Variants in HERC4 observed in about 807,000 individuals in gnomAD.
HERC4 encodes the protein HECT and RLD domain containing E3 ubiquitin protein ligase 4.
In HERC4, 28 loss-of-function variants were observed where a neutral mutation model predicts 124.3. The observed-to-expected ratio is 0.23, with a 90% confidence interval of 0.17 to 0.31. The LOEUF (loss-of-function observed/expected upper bound fraction) is 0.31, where lower values mean the gene tolerates loss of function less well. HERC4 is among the 10% of genes least tolerant of loss of function. The pLI, the probability that HERC4 is intolerant of heterozygous loss-of-function variation, is 1.00. For synonymous variants in HERC4, 407 were observed against 421.5 expected (o/e 0.97, Z 0.42); for missense variants, 713 against 1,229.3 (o/e 0.58, Z 6.28).
intron 5 of HERC4, among the ~76,000 whole-genome samples, chr10:68,035,792 G>C (rs2039430100): frequency 6.6e-6 from 1 of 151,846 alleles, no homozygotes; most frequent in South Asian, 2.1e-4. Context: ...CCTCATCTTT[G>C]TCCAGTTCAT....
chr10:68,038,585 G>A (rs1402960360), intron 4 of HERC4, among the ~76,000 whole-genome samples: 1 of 152,172 alleles, frequency 6.6e-6, no homozygotes, highest in Non-Finnish European at 1.5e-5. Context: ...GTTTTGCCTA[G>A]TTTAATGCAC....
chr10:68,013,978 A>C, intron 9 of HERC4, 48 bp downstream of exon 9: 1 of 1,436,606 alleles, frequency 7.0e-7, no homozygotes, highest in South Asian at 1.4e-5. Context: ...CAACATTTTA[A>C]CAAGAACTTC....
chr10:68,059,476 T>TATATTAC (rs2040733278), intron 3 of HERC4, among the ~76,000 whole-genome samples: 1 of 129,024 alleles, frequency 7.8e-6, no homozygotes, highest in African/African-American at 3.1e-5. Context: ...TTATATATTA[T>TATATTAC]AATATTATAT....
intron 17 of HERC4, chr10:67,955,818 G>C (rs1799665078): frequency 6.6e-6 from 1 of 152,064 alleles, no homozygotes; most frequent in South Asian, 2.1e-4. Context: ...TCTGGCTAAG[G>C]AAGCATTACA....
At chr10:68,032,125 T>C (rs1196916615) in intron 7 of HERC4, among the ~76,000 whole-genome samples, 1 of 152,244 alleles carries the variant, frequency 6.6e-6, no homozygotes, top group African/African-American at 2.4e-5. Context: ...AGTTTCTAAT[T>C]TGACCAATGA....
In HERC4 at chr10:68,014,201, T is replaced by C. The variant is rs1336628812; in HGVS notation, c.909-15A>G. 3.2e-6 allele frequency: 5 copies of C among 1,551,874 alleles called. No individual in the cohort carries two copies. Among genetic ancestry groups the C allele is most frequent in the Non-Finnish European group, 4.3e-6 (5 of 1,150,230 alleles). On this transcript the variant is annotated splice_polypyrimidine_tract_variant and intron_variant, in intron 8 of 24. Coordinates refer to ENST00000373700, the MANE Select transcript of HERC4 (RefSeq NM_015601.4). ...AAGTGTGCTGCCTAGAGTAAAATGA[T>C]AGAAAACTTCAGACTTAATGTTACC...
intron 3 of HERC4, among the ~76,000 whole-genome samples, chr10:68,052,029 T>C (rs2040340166): frequency 6.6e-6 from 1 of 152,124 alleles, no homozygotes; most frequent in African/African-American, 2.4e-5. Context: ...AGTATCATTG[T>C]GTTCCTATCA....
At chr10:68,038,760 C>T (rs1209818250) in intron 4 of HERC4, among the ~76,000 whole-genome samples, 2 of 152,168 alleles carry the variant, frequency 1.3e-5, no homozygotes, top group Non-Finnish European at 2.9e-5. Flanking sequence ...ACAGTTATAA[C>T]AATCATTACT....
At chr10:67,994,701 G>A (rs2036757527) in intron 9 of HERC4, 1 of 152,066 alleles carries the variant, frequency 6.6e-6, no homozygotes, top group Non-Finnish European at 1.5e-5. Flanking sequence ...CAAAGTGTCA[G>A]AATTACAGGT....
chr10:67,982,398 T>C (rs575636559), intron 15 of HERC4, among the ~76,000 whole-genome samples: 1 of 152,260 alleles, frequency 6.6e-6, no homozygotes, highest in Admixed American at 6.5e-5. Context: ...CTTCAATAAA[T>C]GGTACTGGGA....
intron 19 of HERC4, among the ~76,000 whole-genome samples, chr10:67,941,999 C>A (rs965644673): frequency 2.0e-5 from 3 of 152,050 alleles, no homozygotes; most frequent in Non-Finnish European, 4.4e-5. Flanking sequence ...CATAAAAGTA[C>A]AATGAGTTGC....
At chr10:68,057,485 G>A (rs1208009556) in intron 3 of HERC4, among the ~76,000 whole-genome samples, 2 of 151,670 alleles carry the variant, frequency 1.3e-5, no homozygotes, top group South Asian at 4.2e-4. Flanking sequence ...TTAGCCGTGC[G>A]TGGTGGCAGG....
At chr10:68,036,452 C>A (rs1433966839) in intron 5 of HERC4, among the ~76,000 whole-genome samples, 1 of 152,018 alleles carries the variant, frequency 6.6e-6, no homozygotes. Flanking sequence ...TATGTTAGAT[C>A]CACCTACCAA....
At chr10:68,013,171 A>G (rs1324056379) in intron 9 of HERC4, among the ~76,000 whole-genome samples, 1 of 152,258 alleles carries the variant, frequency 6.6e-6, no homozygotes, top group Non-Finnish European at 1.5e-5. Flanking sequence ...GCAATAAAGC[A>G]TATTTATAAA....
intron 15 of HERC4, among the ~76,000 whole-genome samples, chr10:67,977,699 G>A (rs2035679176): frequency 6.6e-6 from 1 of 152,166 alleles, no homozygotes; most frequent in Admixed American, 6.5e-5. Flanking sequence ...GAGCCCTTAA[G>A]GACCAGGCAT....
intron 9 of HERC4, among the ~76,000 whole-genome samples, chr10:68,001,321 G>T (rs1235097963): frequency 6.6e-6 from 1 of 151,610 alleles, no homozygotes; most frequent in Non-Finnish European, 1.5e-5. Flanking sequence ...GCAGTGAGCT[G>T]TGATCATGTC....
chr10:67,951,563 A>G (rs1316341541), intron 19 of HERC4, among the ~76,000 whole-genome samples: 3 of 151,994 alleles, frequency 2.0e-5, no homozygotes, highest in African/African-American at 7.3e-5. Context: ...CTAAACTCCA[A>G]ATTTTTTCCC....
At chr10:67,946,303 A>G (rs2033325542) in intron 19 of HERC4, among the ~76,000 whole-genome samples, 2 of 150,290 alleles carry the variant, frequency 1.3e-5, no homozygotes, top group African/African-American at 4.9e-5. Flanking sequence ...AATGGACTAA[A>G]CTCTCCAATC....
intron 19 of HERC4, among the ~76,000 whole-genome samples, chr10:67,952,317 T>C (rs2033848516): frequency 6.6e-6 from 1 of 152,176 alleles, no homozygotes; most frequent in Admixed American, 6.5e-5. Context: ...GAGAGTCTCG[T>C]TTTGTCACCA....
Sources: allele counts gnomAD v4.1 joint callset (sites outside exome capture counted in the v4.1 genomes callset), GRCh38; gene constraint gnomAD v4.1.1; transcripts MANE v1.5; gene names NCBI Gene and HGNC (gene_info 2026-07-23, HGNC 2026-07-21).